Variants in COG5 observed in about 807,000 individuals in gnomAD.
COG5 encodes component of oligomeric golgi complex 5.
In COG5, 86 loss-of-function variants were observed where a neutral mutation model predicts 110.4. That is an observed-to-expected ratio of 0.78 (90% CI 0.65 to 0.93). The LOEUF (loss-of-function observed/expected upper bound fraction) is 0.93, where lower values mean the gene tolerates loss of function less well. COG5 is among the 40% of genes least tolerant of loss of function. The pLI, the probability that COG5 is intolerant of heterozygous loss-of-function variation, is 0.00. For missense variants in COG5, 1,077 were observed against 987.0 expected, an observed-to-expected ratio of 1.09 and a Z score of -1.22; for synonymous variants, 360 against 334.6, an observed-to-expected ratio of 1.08 and a Z score of -0.83.
At chr7:107,502,051 A>T (rs1036961076) in intron 6 of COG5, among the ~76,000 whole-genome samples, 2 of 152,104 alleles carry the variant, frequency 1.3e-5, no homozygotes, top group African/African-American at 4.8e-5. Context: ...TTGGAGTACA[A>T]GTGGTTGTGA....
intron 6 of COG5, among the ~76,000 whole-genome samples, chr7:107,501,456 G>A (rs1343969066): frequency 6.6e-6 from 1 of 151,986 alleles, no homozygotes; most frequent in African/African-American, 2.4e-5. Flanking sequence ...ACAACCATAT[G>A]AAACAGAACA....
rs533241149 is a variant in COG5, at chr7:107,226,661, C to G, written c.2168+3954G>C. On this transcript the variant is annotated intron_variant, in intron 19 of 21. Coordinates refer to ENST00000297135, the MANE Select transcript of COG5 (RefSeq NM_006348.5). ...GGCCGCAGCACATGCTCACATCTCT[C>G]TTCTTCTCATCTGATAGGACTGAAA... Among the ~76,000 whole-genome samples the G allele has an allele frequency of 3.3e-5, 5 of 152,326 alleles. No homozygotes were observed. In the South Asian group the frequency reaches 1.0e-3, roughly 32 times the overall value.
intron 10 of COG5, among the ~76,000 whole-genome samples, chr7:107,357,267 T>C (rs1812708764): frequency 1.3e-5 from 2 of 152,214 alleles, no homozygotes; most frequent in Admixed American, 1.3e-4. Flanking sequence ...CCTTATGTGC[T>C]GTCTTTTGAG....
chr7:107,365,130 A>C (rs1338228826), intron 8 of COG5, among the ~76,000 whole-genome samples: 1 of 152,144 alleles, frequency 6.6e-6, no homozygotes, highest in African/African-American at 2.4e-5. Context: ...AAATACAAGC[A>C]GAAATACAAG....
chr7:107,273,648 C>T (rs1471676138), intron 14 of COG5, among the ~76,000 whole-genome samples: 3 of 152,110 alleles, frequency 2.0e-5, no homozygotes, highest in African/African-American at 7.2e-5. Flanking sequence ...CCTGATGGTA[C>T]TGAAGTGATA....
chr7:107,521,390 A>T (rs1800309165), intron 6 of COG5, among the ~76,000 whole-genome samples: 1 of 152,202 alleles, frequency 6.6e-6, no homozygotes, highest in African/African-American at 2.4e-5. Context: ...TTTGCAATCT[A>T]CCCATCTGAC....
At chr7:107,515,085 ATAAAT>A (rs1325307500) in intron 6 of COG5, among the ~76,000 whole-genome samples, 3 of 152,210 alleles carry the variant, frequency 2.0e-5, no homozygotes, top group African/African-American at 4.8e-5. Flanking sequence ...TGTTTGATAA[ATAAAT>A]TAAACGAATT....
intron 5 of COG5, among the ~76,000 whole-genome samples, chr7:107,546,473 T>C (rs1458128123): frequency 6.9e-6 from 1 of 144,008 alleles, no homozygotes; most frequent in Non-Finnish European, 1.6e-5. Flanking sequence ...TCTCGCTCTT[T>C]TGTCCAGGCT....
chr7:107,491,912 T>C (rs767113545), intron 6 of COG5, among the ~76,000 whole-genome samples: 17 of 152,236 alleles, frequency 1.1e-4, no homozygotes, highest in Non-Finnish European at 1.2e-4. Flanking sequence ...ATCCCATAAG[T>C]ATCCCAAAGA....
At chr7:107,418,934 C>G (rs1318352405) in intron 6 of COG5, among the ~76,000 whole-genome samples, 1 of 152,008 alleles carries the variant, frequency 6.6e-6, no homozygotes, top group Non-Finnish European at 1.5e-5. Flanking sequence ...GCCACCATGT[C>G]CAGCTAATTT....
chr7:107,541,936 G>GAA (rs1211146282), intron 5 of COG5, among the ~76,000 whole-genome samples: 12 of 80,432 alleles, frequency 1.5e-4, no homozygotes, highest in African/African-American at 2.2e-4. Context: ...TCTCAAAAAA[G>GAA]AAAAAAAAAA....
intron 10 of COG5, among the ~76,000 whole-genome samples, chr7:107,331,774 G>A (rs1228869225): frequency 6.6e-6 from 1 of 151,782 alleles, no homozygotes; most frequent in African/African-American, 2.4e-5. Context: ...AAAGAAAGAT[G>A]TGCTCTTTTA....
At chr7:107,376,758 T>C (rs1354622617) in intron 7 of COG5, among the ~76,000 whole-genome samples, 1 of 152,052 alleles carries the variant, frequency 6.6e-6, no homozygotes, top group Non-Finnish European at 1.5e-5. Flanking sequence ...GCCTTAAATA[T>C]TTCACCATCG....
At chr7:107,265,194 C>T (rs1462708498) in intron 14 of COG5, among the ~76,000 whole-genome samples, 1 of 152,188 alleles carries the variant, frequency 6.6e-6, no homozygotes, top group Non-Finnish European at 1.5e-5. Context: ...TTATTGTTTA[C>T]TTGACCAAAG....
At chr7:107,227,705 G>T (rs1021018097) in intron 19 of COG5, among the ~76,000 whole-genome samples, 11 of 149,566 alleles carry the variant, frequency 7.4e-5, no homozygotes, top group Non-Finnish European at 7.4e-5. Flanking sequence ...TTTTTTTGGG[G>T]CGGGGGGTGT....
chr7:107,544,847 C>T (rs1048337403), intron 5 of COG5, among the ~76,000 whole-genome samples: 1 of 152,164 alleles, frequency 6.6e-6, no homozygotes, highest in Non-Finnish European at 1.5e-5. Context: ...CTTTTAAAAA[C>T]TCCATGAACT....
At chr7:107,446,009 A>C (rs1328303128) in intron 6 of COG5, among the ~76,000 whole-genome samples, 1 of 152,196 alleles carries the variant, frequency 6.6e-6, no homozygotes, top group Non-Finnish European at 1.5e-5. Context: ...TGCCCCTTGC[A>C]AAAAAGGCAC....
intron 6 of COG5, among the ~76,000 whole-genome samples, chr7:107,469,786 AT>A (rs890945506): frequency 7.3e-5 from 11 of 150,878 alleles, no homozygotes; most frequent in Admixed American, 4.6e-4. Context: ...ACCTCCCTGC[AT>A]TTTTTTTTAA....
intron 6 of COG5, among the ~76,000 whole-genome samples, chr7:107,483,605 G>C (rs1238696635): frequency 1.3e-5 from 2 of 152,024 alleles, no homozygotes; most frequent in Non-Finnish European, 2.9e-5. Context: ...TTGGGAAGCT[G>C]AGGCAGGAGA....
Sources: allele counts gnomAD v4.1 joint callset (sites outside exome capture counted in the v4.1 genomes callset), GRCh38; gene constraint gnomAD v4.1.1; transcripts MANE v1.5; gene names NCBI Gene and HGNC (gene_info 2026-07-23, HGNC 2026-07-21).